The following ESPN variants were observed in gnomAD, a reference collection of about 807,000 sequenced individuals.
ESPN encodes autosomal recessive deafness type 36 protein.
ESPN carries 68 observed loss-of-function variants against 77.7 expected under a neutral mutation model. That is an observed-to-expected ratio of 0.87 (90% CI 0.72 to 1.07). The LOEUF is 1.07. ESPN is among the 50% of genes least tolerant of loss of function. ESPN has a pLI of 0.00. For missense variants in ESPN, 1,060 were observed against 1,239.0 expected (o/e 0.86, Z 2.17); for synonymous variants, 449 against 567.1 (o/e 0.79, Z 2.96).
intron 6 of ESPN, 61 bp downstream of exon 6, chr1:6,444,743 G>A (rs1643766183): frequency 6.3e-7 from 1 of 1,599,514 alleles, no homozygotes; most frequent in Non-Finnish European, 8.6e-7. Flanking sequence ...CTGCTGGGCT[G>A]TGAGGATTGG....
chr1:6,453,682 G>A (rs1643994476), intron 10 of ESPN, among the ~76,000 whole-genome samples: 1 of 152,180 alleles, frequency 6.6e-6, no homozygotes, highest in African/African-American at 2.4e-5. Context: ...CTGGAGCACT[G>A]GGGAGCCGGG....
At chr1:6,455,368 C>T (rs1354669062) in intron 10 of ESPN, 1 of 385,182 alleles carries the variant, frequency 2.6e-6, no homozygotes, top group Non-Finnish European at 4.6e-6. Flanking sequence ...GGACTGCTGC[C>T]CCGCGTGGCG....
At chr1:6,436,527 C>G (rs1486687922) in intron 2 of ESPN, among the ~76,000 whole-genome samples, 1 of 145,088 alleles carries the variant, frequency 6.9e-6, no homozygotes, top group Non-Finnish European at 1.5e-5. Context: ...ATTTTAGAGG[C>G]AGGATCTTGC....
intron 6 of ESPN, 170 bp from the exon 7 acceptor site, chr1:6,445,494 G>T: frequency 1.3e-6 from 1 of 742,156 alleles, no homozygotes; most frequent in Non-Finnish European, 2.4e-6. Context: ...GCAGGGTAGG[G>T]CCAGGGAGGG....
intron 2 of ESPN, among the ~76,000 whole-genome samples, chr1:6,436,897 G>C (rs1643458483): frequency 6.6e-6 from 1 of 152,120 alleles, no homozygotes; most frequent in Non-Finnish European, 1.5e-5. Context: ...AAGGTGGAGG[G>C]GGATGTTGAG....
At chr1:6,444,397 G>A in intron 5 of ESPN, 84 bp from the exon 6 acceptor site, 4 of 1,387,560 alleles carry the variant, frequency 2.9e-6, no homozygotes, top group Middle Eastern at 1.8e-4. Flanking sequence ...CCACAGCGAA[G>A]GCATGACTGA....
chr1:6,431,996 C>T (rs1296049399), intron 2 of ESPN, among the ~76,000 whole-genome samples: 1 of 152,200 alleles, frequency 6.6e-6, no homozygotes, highest in Non-Finnish European at 1.5e-5. Flanking sequence ...TGGCCTTGAG[C>T]AGGCTGTACC....
rs1267381253 is a variant in ESPN, at chr1:6,427,567, G to T, written c.295-659G>T. 1.3e-5 allele frequency among the ~76,000 whole-genome samples: 2 copies of T among 152,150 alleles called. No individual in the cohort carries two copies. Among genetic ancestry groups the T allele is most frequent in the East Asian group, 3.9e-4 (2 of 5,194 alleles). ...CTGACTGCCCCGGACCCGCCCACCA[G>T]TACCCAGCAACTTCCACCTCCACAG... On this transcript the variant is annotated intron_variant, in intron 1 of 12. Coordinates refer to ENST00000645284, the MANE Select transcript of ESPN (RefSeq NM_031475.3). The surrounding 1 kb of genome is among the most constrained non-coding windows in gnomAD (Gnocchi z 4.6).
chr1:6,449,067 C>T lies in ESPN; in HGVS notation c.1891C>T (p.Arg631Cys), dbSNP rs1643902290. 1.3e-6 allele frequency: 2 copies of T among 1,483,200 alleles called. No homozygotes were observed. The highest frequency in any genetic ancestry group is 1.8e-6 in the Non-Finnish European group (2 of 1,123,874). 91.9% of individuals were successfully genotyped at this position (1,483,200 alleles called of 1,614,324 possible). A position where few individuals can be genotyped will look rare whatever the true frequency, so the allele number is the denominator to read the frequency against. ...LESAGPGCGQ[R>C]RSSSSTGSTK... ...GAGCGCTGGCCCTGGCTGCGGGCAG[C>T]GCCGCTCCTCCTCGTCCACCGGCAG... is the stretch of plus-strand genomic sequence containing the variant. The change falls in exon 8 of 13, where the codon CGC becomes TGC. Residue 631 changes from arginine to cysteine, a missense_variant. Around this residue, in one of 3 missense-constraint regions of ESPN, gnomAD observed 374 missense variants for 381.4 expected, o/e 0.98. Transcript: ENST00000645284.
intron 2 of ESPN, among the ~76,000 whole-genome samples, chr1:6,435,743 A>G (rs573854365): frequency 4.4e-4 from 67 of 152,314 alleles, no homozygotes; most frequent in African/African-American, 1.3e-3. Context: ...CATACTTGGC[A>G]GGACCTGGAC....
chr1:6,451,406 G>A lies in ESPN; in HGVS notation c.1916-197G>A, dbSNP rs959185379. Reference sequence around the variant, plus strand: ...TGGGGAAGATGGTGGGGTTGCCACAGTCAGGGAACCAAGGGCCCGCCTCTG... The same window carrying A: ...TGGGGAAGATGGTGGGGTTGCCACAATCAGGGAACCAAGGGCCCGCCTCTG... On this transcript the variant is annotated intron_variant, in intron 8 of 12. Coordinates refer to ENST00000645284, the MANE Select transcript of ESPN (RefSeq NM_031475.3). The surrounding 1 kb of genome is among the most constrained non-coding windows in gnomAD (Gnocchi z 4.3). 5 of 696,436 alleles carry A rather than the reference G, an allele frequency of 7.2e-6. No homozygotes were observed. The highest frequency in any genetic ancestry group is 7.1e-5 in the African/African-American group (4 of 55,988). 43.1% of individuals were successfully genotyped at this position (696,436 alleles called of 1,614,324 possible). A position where few individuals can be genotyped will look rare whatever the true frequency, so the allele number is the denominator to read the frequency against.
At position 6,460,113 on chromosome 1, in the gene ESPN, C is replaced by A; in HGVS notation, c.2532C>A (p.Val844=). 1 of 1,613,004 alleles carries A rather than the reference C, an allele frequency of 6.2e-7. No homozygotes were observed. Among genetic ancestry groups the A allele is most frequent in the South Asian group, 1.1e-5 (1 of 91,048 alleles). ...ESKLAPWQRQ[V]ILKKGDIAKY ...AGCTGGCGCCCTGGCAGCGACAGGT[C>A]ATCCTGAAGAAGGGGGACATCGCTA... The change falls in exon 13 of 13, where the codon GTC becomes GTA. Residue 844 remains valine (V), a synonymous_variant. Coordinates refer to ENST00000645284, the MANE Select transcript of ESPN (RefSeq NM_031475.3).
Position 6,437,158 on chromosome 1 carries a change from G to A in ESPN, c.489-3096G>A, listed in dbSNP as rs1274892842. 4 of 152,266 alleles carry A rather than the reference G, an allele frequency of 2.6e-5. No individual in the cohort carries two copies. The highest frequency in any genetic ancestry group is 9.6e-5 in the African/African-American group (4 of 41,464). The allele number at this position is 152,266 out of a possible 1,614,324, so 9.4% of individuals were successfully genotyped here. A position where few individuals can be genotyped will look rare whatever the true frequency, so the allele number is the denominator to read the frequency against. ...ATTCCGTGCCAGGAACTTGGGCTGGGAATGCCAGCCAGCGGCCCTGCAGGA... is the reference window on the plus strand; with the variant it reads ...ATTCCGTGCCAGGAACTTGGGCTGGAAATGCCAGCCAGCGGCCCTGCAGGA... On this transcript the variant is annotated intron_variant, in intron 2 of 12. Coordinates refer to ENST00000645284, the MANE Select transcript of ESPN (RefSeq NM_031475.3). This position sits in a 1 kb window ranked among gnomAD's most constrained non-coding sequence, Gnocchi z 4.5.
intron 5 of ESPN, among the ~76,000 whole-genome samples, 163 bp from the exon 6 acceptor site, chr1:6,444,318 G>A (rs1467199507): frequency 6.6e-6 from 1 of 152,178 alleles, no homozygotes; most frequent in Admixed American, 6.5e-5. Flanking sequence ...ATCTTAACCT[G>A]GAGGAACCTG....
Position 6,451,336 on chromosome 1 carries a change from C to T in ESPN, c.1916-267C>T, listed in dbSNP as rs1557714263. 1.8e-6 allele frequency: 1 copy of T among 549,326 alleles called. No individual in the cohort carries two copies. Among genetic ancestry groups the T allele is most frequent in the Non-Finnish European group, 3.3e-6 (1 of 305,250 alleles). The allele number at this position is 549,326 out of a possible 1,614,324, so 34.0% of individuals were successfully genotyped here. On this transcript the variant is annotated intron_variant, in intron 8 of 12. Transcript: ENST00000645284. This position sits in a 1 kb window ranked among gnomAD's most constrained non-coding sequence, Gnocchi z 4.3. ...ACATATGCCCAAGAGCCACCATGAA[C>T]TCCCAGGGGCCTCCAGGCAGGGGCC... is the stretch of plus-strand genomic sequence containing the variant.
intron 2 of ESPN, among the ~76,000 whole-genome samples, chr1:6,434,958 G>A (rs568454020): frequency 6.6e-6 from 1 of 152,282 alleles, no homozygotes; most frequent in African/African-American, 2.4e-5. Context: ...GAGGCCTCAG[G>A]TGGGGTCAAA....
Position 6,436,102 on chromosome 1 carries a change from TGCGG to T in ESPN, c.489-4150_489-4147del, listed in dbSNP as rs1429925063. Among the ~76,000 whole-genome samples the T allele has an allele frequency of 3.9e-5, 6 of 152,184 alleles. No individual in the cohort carries two copies. The East Asian group carries it at 1.2e-3, about 29-fold the overall frequency. On this transcript the variant is annotated intron_variant, in intron 2 of 12. Coordinates refer to ENST00000645284, the MANE Select transcript of ESPN (RefSeq NM_031475.3). ...TTCCTGAGTTCCCAGCAGTGAGGTCTGCGGGAGAAGGGCAGTGGTCTGTGCGGTG... is the reference window on the plus strand; with the variant it reads ...TTCCTGAGTTCCCAGCAGTGAGGTCTGAGAAGGGCAGTGGTCTGTGCGGTG...
chr1:6,431,374 C>T (rs201927432), intron 2 of ESPN, among the ~76,000 whole-genome samples: 1 of 151,910 alleles, frequency 6.6e-6, no homozygotes, highest in Non-Finnish European at 1.5e-5. Context: ...TTTGGGAGGC[C>T]GAGGCAGGTG....
chr1:6,449,619 T>A (rs1438554219), intron 8 of ESPN, among the ~76,000 whole-genome samples: 2 of 152,210 alleles, frequency 1.3e-5, no homozygotes, highest in Non-Finnish European at 2.9e-5. Flanking sequence ...TTCTTAGATA[T>A]GCCAGGAACT....
Sources: allele counts gnomAD v4.1 joint callset (sites outside exome capture counted in the v4.1 genomes callset), GRCh38; gene constraint gnomAD v4.1.1; regional missense constraint gnomAD v4.1.1; non-coding constraint Gnocchi (gnomAD v3.1); transcripts MANE v1.5; gene names NCBI Gene and HGNC (gene_info 2026-07-23, HGNC 2026-07-21).